Variants in RFC5 observed in about 807,000 individuals in gnomAD.
RFC5 encodes replication factor C subunit 5, also known as A1 36 kDa subunit.
RFC5 carries 26 observed loss-of-function variants against 44.3 expected under a neutral mutation model. The ratio of observed to expected loss-of-function variants is 0.59; its 90% confidence interval spans 0.43 to 0.81. The LOEUF (loss-of-function observed/expected upper bound fraction) is 0.81, where lower values mean the gene tolerates loss of function less well. RFC5 is among the 40% of genes least tolerant of loss of function. The probability of loss-of-function intolerance (pLI) is 0.00; values close to 1 mark genes in which losing one functional copy is unlikely to be tolerated. For missense variants in RFC5, 328 were observed against 418.6 expected (o/e 0.78, Z 1.89); for synonymous variants, 155 against 155.2 (o/e 1.00, Z 0.01).
chr12:118,018,404 T>C (rs1199632857), intron 1 of RFC5, among the ~76,000 whole-genome samples: 1 of 152,102 alleles, frequency 6.6e-6, no homozygotes, highest in East Asian at 1.9e-4. Flanking sequence ...TCCTGTGCAC[T>C]GTAGCATGTT....
chr12:118,034,582 T>TCTCTCTC (rs879299075), downstream of RFC5: 4,532 of 542,820 alleles, frequency 8.3e-3, 72 homozygotes, highest in Admixed American at 0.063. Flanking sequence ...GCGCTCTCTC[T>TCTCTCTC]GTCTCTCTCT....
rs955107623 is a variant in RFC5, at chr12:118,019,947, T to C, written c.267+179T>C. Among the ~76,000 whole-genome samples the C allele has an allele frequency of 5.9e-4, 90 of 152,322 alleles. 1 individual carries two copies. Among genetic ancestry groups the C allele is most frequent in the African/African-American group, 1.5e-3 (63 of 41,564 alleles). On this transcript the variant is annotated intron_variant, in intron 3 of 10. Transcript: ENST00000454402. The surrounding 1 kb of genome is among the most constrained non-coding windows in gnomAD (Gnocchi z 4.2). The stretch of plus-strand genomic sequence containing the variant: ...ATGGTCATTTTGGTCTGGATTAGCG[T>C]TGGTCAGCTAGAGGGCAGTTGTAGG...
intron 7 of RFC5, 51 bp from the exon 8 acceptor site, chr12:118,026,838 G>T: frequency 6.3e-7 from 1 of 1,584,822 alleles, no homozygotes; most frequent in Non-Finnish European, 8.6e-7. Context: ...GCAGCTTGGT[G>T]GCAGCTGTGA....
intron 10 of RFC5, 149 bp from the exon 11 acceptor site, chr12:118,031,033 A>G (rs779558619): frequency 2.4e-5 from 14 of 590,864 alleles, no homozygotes; most frequent in Non-Finnish European, 3.4e-5. Context: ...AGGGGGACAC[A>G]TACAAGATTG....
rs928065833 is a variant in RFC5, at chr12:118,031,859, T to G, written c.*581T>G. ...GTCACCAGCAGGTTCCAAATTGATGTGTATGATAGGAAAAAAACCTTAATT... is the reference window on the plus strand; with the variant it reads ...GTCACCAGCAGGTTCCAAATTGATGGGTATGATAGGAAAAAAACCTTAATT... On this transcript the variant is annotated 3_prime_UTR_variant, in exon 11 of 11. Transcript: ENST00000454402. 1 of 152,198 alleles carries G rather than the reference T, an allele frequency of 6.6e-6. No individual in the cohort carries two copies. Among genetic ancestry groups the G allele is most frequent in the Non-Finnish European group, 1.5e-5 (1 of 68,044 alleles). 9.4% of individuals were successfully genotyped at this position (152,198 alleles called of 1,614,324 possible).
At chr12:118,029,375 G>A (rs2031168138) in intron 9 of RFC5, among the ~76,000 whole-genome samples, 1 of 152,140 alleles carries the variant, frequency 6.6e-6, no homozygotes, top group Non-Finnish European at 1.5e-5. Flanking sequence ...TCATGATCAC[G>A]CCATGCCATG....
At chr12:118,037,296 A>G (rs1262074972), downstream of RFC5, among the ~76,000 whole-genome samples, 1 of 152,212 alleles carries the variant, frequency 6.6e-6, no homozygotes, top group Admixed American at 6.5e-5. Context: ...ATCTGTCCCA[A>G]GACTGGGCCT....
At chr12:118,028,658 G>A (rs1331932931) in intron 9 of RFC5, among the ~76,000 whole-genome samples, 2 of 141,350 alleles carry the variant, frequency 1.4e-5, no homozygotes, top group Non-Finnish European at 3.0e-5. Flanking sequence ...AAAAAAAAAA[G>A]TCTGTCTATC....
rs933326302 is a variant in RFC5 at position 118,020,943 on chromosome 12, G to A, written c.305G>A (p.Arg102Gln). ...ASDDRGIDII[R>Q]GPILSFASTR... ...GATGACCGAGGAATAGACATCATTCGAGGACCGATCCTGAGCTTTGCTAGC... is the reference window on the plus strand; with the variant it reads ...GATGACCGAGGAATAGACATCATTCAAGGACCGATCCTGAGCTTTGCTAGC... Residue 102 changes from arginine to glutamine, a missense_variant, in exon 4 of 11, where the codon CGA becomes CAA. Transcript: ENST00000454402. 2 of 1,612,330 alleles carry A rather than the reference G, an allele frequency of 1.2e-6. No homozygotes were observed. Among genetic ancestry groups the A allele is most frequent in the Non-Finnish European group, 1.7e-6 (2 of 1,178,778 alleles).
chr12:118,021,626 A>C (rs1411184996), intron 4 of RFC5, among the ~76,000 whole-genome samples: 1 of 151,738 alleles, frequency 6.6e-6, no homozygotes, highest in Non-Finnish European at 1.5e-5. Flanking sequence ...AGGAAGGACA[A>C]CTAGGATGGT....
At position 118,019,873 on chromosome 12, in the gene RFC5, C is replaced by A; in HGVS notation, c.267+105C>A. On this transcript the variant is annotated intron_variant, in intron 3 of 10. Coordinates refer to ENST00000454402, the MANE Select transcript of RFC5 (RefSeq NM_007370.7). This position sits in a 1 kb window ranked among gnomAD's most constrained non-coding sequence, Gnocchi z 4.2. ...CTTTAAAAGTAAGTTGCCCCACGGA[C>A]AGTTAGGAAAGAAGTAAATTTGAAT... The A allele has an allele frequency of 2.2e-6, 2 of 904,540 alleles. No individual in the cohort carries two copies. The highest frequency in any genetic ancestry group is 3.4e-6 in the Non-Finnish European group (2 of 590,408). The allele number at this position is 904,540 out of a possible 1,614,324, so 56.0% of individuals were successfully genotyped here.
chr12:118,027,043 C>A, intron 8 of RFC5, 25 bp downstream of exon 8: 1 of 1,602,694 alleles, frequency 6.2e-7, no homozygotes, highest in Non-Finnish European at 8.5e-7. Context: ...GACCTCCTGG[C>A]CACCGAGACC....
the RFC5 span, among the ~76,000 whole-genome samples, chr12:118,041,339 G>A: frequency 2.0e-5 from 3 of 152,176 alleles, no homozygotes; most frequent in Non-Finnish European, 2.9e-5. Flanking sequence ...GAAGGTGGCT[G>A]TTTACAAGCC....
At chr12:118,037,884 A>G (rs1201685568), downstream of RFC5, 2 of 158,152 alleles carry the variant, frequency 1.3e-5, no homozygotes, top group African/African-American at 4.8e-5. Context: ...ATTTCAGGAC[A>G]AAGTTCAACA....
downstream of RFC5, chr12:118,033,238 TAATCC>T (rs1345352771): frequency 6.6e-6 from 1 of 152,518 alleles, no homozygotes; most frequent in African/African-American, 2.4e-5. Flanking sequence ...ACCAGCTGAT[TAATCC>T]AATGAAGTTA....
chr12:118,033,815 G>A (rs2031434998), downstream of RFC5: 3 of 234,304 alleles, frequency 1.3e-5, no homozygotes, highest in South Asian at 1.3e-4. Flanking sequence ...CGTTCCCAGC[G>A]GAGGGAGTGT....
chr12:118,024,976 G>C lies in RFC5; in HGVS notation c.547G>C (p.Val183Leu), dbSNP rs777965280. Reference protein sequence around the residue: ...RFGPLTPELMVPRLEHVVEEE... With the variant: ...RFGPLTPELMLPRLEHVVEEE... ...CGGTCCCCTGACTCCTGAACTCATG[G>C]TTCCCCGCCTGGAACATGTCGTGGA... The change falls in exon 6 of 11, where the codon GTT (valine) becomes CTT (leucine). Residue 183 changes from valine to leucine, a missense_variant. Coordinates refer to ENST00000454402, the MANE Select transcript of RFC5 (RefSeq NM_007370.7). The C allele has an allele frequency of 1.2e-6, 2 of 1,613,994 alleles. No homozygotes were observed. Among genetic ancestry groups the C allele is most frequent in the East Asian group, 4.5e-5 (2 of 44,874 alleles).
intron 3 of RFC5, 94 bp from the exon 4 acceptor site, chr12:118,020,812 T>C (rs981331440): frequency 5.7e-6 from 4 of 700,642 alleles, no homozygotes; most frequent in Non-Finnish European, 1.0e-5. Flanking sequence ...GCTAGCCTGC[T>C]GAGCTGGACT....
intron 10 of RFC5, among the ~76,000 whole-genome samples, chr12:118,030,528 T>G (rs2031245552): frequency 6.6e-6 from 1 of 152,254 alleles, no homozygotes; most frequent in South Asian, 2.1e-4. Context: ...ATCTCTGTTT[T>G]GTTTCCCTCT....
Sources: allele counts gnomAD v4.1 joint callset (sites outside exome capture counted in the v4.1 genomes callset), GRCh38; gene constraint gnomAD v4.1.1; non-coding constraint Gnocchi (gnomAD v3.1); transcripts MANE v1.5; gene names NCBI Gene and HGNC (gene_info 2026-07-23, HGNC 2026-07-21).